CTNNB1: variants seen among roughly 807,000 people sequenced by gnomAD.
CTNNB1 encodes catenin beta-1.
A neutral mutation model predicts 82.5 loss-of-function variants in CTNNB1; 6 were observed. The observed-to-expected ratio is 0.07, with a 90% CI of 0.04 to 0.14. CTNNB1 has a LOEUF of 0.14. Ranked by LOEUF, CTNNB1 falls within the 10% of genes least tolerant of loss-of-function variation. The probability of loss-of-function intolerance (pLI) is 1.00; values close to 1 mark genes in which losing one functional copy is unlikely to be tolerated. For missense variants in CTNNB1, 529 were observed against 980.4 expected, an observed-to-expected ratio of 0.54 and a Z score of 6.15; for synonymous variants, 312 against 329.7, an observed-to-expected ratio of 0.95 and a Z score of 0.58.
intron 2 of CTNNB1, 176 bp downstream of exon 2, chr3:41,224,257 G>A (rs1167916971): frequency 3.3e-5 from 27 of 819,794 alleles, no homozygotes; most frequent in Non-Finnish European, 5.1e-5. Flanking sequence ...CAAGCCACCA[G>A]CAGGAATCTA....
At chr3:41,202,400 T>G (rs1258518107) in intron 1 of CTNNB1, among the ~76,000 whole-genome samples, 2 of 152,220 alleles carry the variant, frequency 1.3e-5, no homozygotes, top group Non-Finnish European at 2.9e-5. Flanking sequence ...TATTTGCAAC[T>G]CTTTTGTAGT....
rs903673902 is a variant in CTNNB1, at chr3:41,225,217, G to A, written c.495+10G>A. The A allele has an allele frequency of 6.2e-7, 1 of 1,613,930 alleles. No homozygotes were observed. The highest frequency in any genetic ancestry group is 2.2e-5 in the East Asian group (1 of 44,898). On this transcript the variant is annotated intron_variant, in intron 4 of 14. Coordinates refer to ENST00000349496, the MANE Select transcript of CTNNB1 (RefSeq NM_001904.4). This position sits in a 1 kb window ranked among gnomAD's most constrained non-coding sequence, Gnocchi z 5.3. Reference sequence around the variant, plus strand: ...AAATGACGAGGACCAGGTAAGCAATGACATAGCTAGCTTTTTAGTCTGCTT... The same window carrying A: ...AAATGACGAGGACCAGGTAAGCAATAACATAGCTAGCTTTTTAGTCTGCTT...
intron 1 of CTNNB1, among the ~76,000 whole-genome samples, chr3:41,211,217 G>A (rs768972956): frequency 6.6e-6 from 1 of 152,128 alleles, no homozygotes; most frequent in Non-Finnish European, 1.5e-5. Context: ...ACATCACTAG[G>A]TGATAGGAAT....
intron 1 of CTNNB1, among the ~76,000 whole-genome samples, chr3:41,206,532 A>G (rs552297252): frequency 6.6e-5 from 10 of 152,322 alleles, no homozygotes; most frequent in Admixed American, 5.2e-4. Flanking sequence ...AAGTGGTGAT[A>G]GTAGTTTGCT....
In CTNNB1 at chr3:41,223,519, A is replaced by C. The variant is rs376274906; in HGVS notation, c.-48-502A>C. Among the ~76,000 whole-genome samples, 13 of 152,250 alleles carry C rather than the reference A, an allele frequency of 8.5e-5. No individual in the cohort carries two copies. The East Asian group carries it at 1.9e-3, about 23-fold the overall frequency. On this transcript the variant is annotated intron_variant, in intron 1 of 14. Transcript: ENST00000349496. ...TAAAATTCGCTATTCTAGTCACCAA[A>C]ATTTGCTTTATGAAAAATAATTTTT...
At chr3:41,232,795 G>A (rs2078341225) in intron 7 of CTNNB1, among the ~76,000 whole-genome samples, 1 of 152,074 alleles carries the variant, frequency 6.6e-6, no homozygotes, top group Non-Finnish European at 1.5e-5. Context: ...TTAGTCAGAT[G>A]TCACCTTCAC....
At chr3:41,202,883 G>T (rs900651959) in intron 1 of CTNNB1, among the ~76,000 whole-genome samples, 3 of 152,122 alleles carry the variant, frequency 2.0e-5, no homozygotes, top group Non-Finnish European at 4.4e-5. Context: ...GCAAGACTGA[G>T]CTTGACTCAG....
intron 13 of CTNNB1, chr3:41,237,380 G>C (rs909443574): frequency 6.6e-6 from 1 of 151,112 alleles, no homozygotes; most frequent in Non-Finnish European, 1.4e-5. Flanking sequence ...GGGAGACGGG[G>C]GCAGGAGGAT....
Position 41,225,219 on chromosome 3 carries a change from C to T in CTNNB1, c.495+12C>T, listed in dbSNP as rs768566900. 12 of 1,614,076 alleles carry T rather than the reference C, an allele frequency of 7.4e-6. No homozygotes were observed. In the Admixed American group the frequency reaches 2.0e-4, roughly 27 times the overall value. On this transcript the variant is annotated intron_variant, in intron 4 of 14. Transcript: ENST00000349496. This position sits in a 1 kb window ranked among gnomAD's most constrained non-coding sequence, Gnocchi z 5.3. ...ATGACGAGGACCAGGTAAGCAATGACATAGCTAGCTTTTTAGTCTGCTTTG... is the reference window on the plus strand; with the variant it reads ...ATGACGAGGACCAGGTAAGCAATGATATAGCTAGCTTTTTAGTCTGCTTTG...
intron 1 of CTNNB1, among the ~76,000 whole-genome samples, chr3:41,216,856 T>C (rs1029061768): frequency 6.6e-6 from 1 of 152,142 alleles, no homozygotes; most frequent in African/African-American, 2.4e-5. Flanking sequence ...GTAGACCTTT[T>C]TCGTTCTCTT....
rs777291376 is a variant in CTNNB1 at position 41,225,861 on chromosome 3, G to A, written c.936G>A (p.Lys312=). The change falls in exon 6 of 15, where the codon AAG becomes AAA. Residue 312 remains lysine (K), a splice_region_variant and synonymous_variant. Coordinates refer to ENST00000349496, the MANE Select transcript of CTNNB1 (RefSeq NM_001904.4). This position sits in a 1 kb window ranked among gnomAD's most constrained non-coding sequence, Gnocchi z 5.3. ...QILAYGNQES[K]LIILASGGPQ... is the part of the protein sequence containing the mutation. ...TAGCTTATGGCAACCAAGAAAGCAA[G>A]GTAAGAGAATTATTCTTTATGTGGT... The A allele has an allele frequency of 1.2e-6, 2 of 1,611,484 alleles. No homozygotes were observed. The highest frequency in any genetic ancestry group is 1.7e-6 in the Non-Finnish European group (2 of 1,178,254).
At chr3:41,212,825 T>A (rs759034869) in intron 1 of CTNNB1, among the ~76,000 whole-genome samples, 1 of 152,208 alleles carries the variant, frequency 6.6e-6, no homozygotes, top group African/African-American at 2.4e-5. Context: ...TTAATTTTTC[T>A]CATCTACTAT....
intron 1 of CTNNB1, among the ~76,000 whole-genome samples, chr3:41,219,365 T>G (rs1193684563): frequency 6.6e-6 from 1 of 152,234 alleles, no homozygotes; most frequent in Non-Finnish European, 1.5e-5. Flanking sequence ...TACCATAATC[T>G]AATTATTTTA....
chr3:41,218,064 T>G (rs775999746), intron 1 of CTNNB1, among the ~76,000 whole-genome samples: 1 of 152,198 alleles, frequency 6.6e-6, no homozygotes, highest in African/African-American at 2.4e-5. Context: ...GTTTTATTCT[T>G]AATATATACC....
intron 9 of CTNNB1, 111 bp downstream of exon 9, chr3:41,233,978 TAGTA>T (rs777779616): frequency 6.3e-6 from 9 of 1,420,592 alleles, no homozygotes; most frequent in African/African-American, 5.6e-5. Context: ...TTGTATTCCT[TAGTA>T]AGTAGGAAGT....
intron 14 of CTNNB1, among the ~76,000 whole-genome samples, chr3:41,238,899 G>A (rs541572828): frequency 1.3e-5 from 2 of 152,202 alleles, no homozygotes; most frequent in African/African-American, 2.4e-5. Context: ...CCCTGCTGGT[G>A]TGCCTGTCTG....
At chr3:41,212,229 C>T (rs540763468) in intron 1 of CTNNB1, among the ~76,000 whole-genome samples, 4 of 152,074 alleles carry the variant, frequency 2.6e-5, no homozygotes, top group African/African-American at 9.7e-5. Flanking sequence ...GGGTCCTTGC[C>T]CTGTTTTTGT....
intron 1 of CTNNB1, among the ~76,000 whole-genome samples, chr3:41,218,092 TA>T (rs1425602882): frequency 6.6e-6 from 1 of 152,208 alleles, no homozygotes; most frequent in African/African-American, 2.4e-5. Flanking sequence ...TATCTCATTT[TA>T]TTTTTTTACG....
chr3:41,202,443 AAT>A (rs1559452363), intron 1 of CTNNB1, among the ~76,000 whole-genome samples: 1 of 152,190 alleles, frequency 6.6e-6, no homozygotes. Flanking sequence ...TGTTTTTGAA[AAT>A]ATGTGTTAAC....
Sources: allele counts gnomAD v4.1 joint callset (sites outside exome capture counted in the v4.1 genomes callset), GRCh38; gene constraint gnomAD v4.1.1; non-coding constraint Gnocchi (gnomAD v3.1); transcripts MANE v1.5; gene names NCBI Gene and HGNC (gene_info 2026-07-23, HGNC 2026-07-21).